OPRD1: variants seen among roughly 807,000 people sequenced by gnomAD.
OPRD1 encodes the protein opioid receptor delta 1.
OPRD1 carries 19 observed loss-of-function variants against 17.5 expected under a neutral mutation model. The ratio of observed to expected loss-of-function variants is 1.09; its 90% CI spans 0.76 to 1.60. The LOEUF is 1.60. Ranked by LOEUF, OPRD1 falls within the 40% of genes most tolerant of loss-of-function variation. OPRD1 has a pLI of 0.00. For synonymous variants in OPRD1, 256 were observed against 240.9 expected (o/e 1.06, Z -0.58); for missense variants, 483 against 547.2 (o/e 0.88, Z 1.17).
rs1343912488 is a variant in OPRD1, at chr1:28,822,640, C to A, written c.227+10030C>A. On this transcript the variant is annotated intron_variant, in intron 1 of 2. Transcript: ENST00000234961. ...GGGATTACTGGCATGTGCCACCATG[C>A]CCGGTTAATTTTTTTTTTTTTGTAT... Among the ~76,000 whole-genome samples, 5 of 131,142 alleles carry A rather than the reference C, an allele frequency of 3.8e-5. No individual in the cohort carries two copies. In the South Asian group the frequency reaches 9.2e-4, roughly 24 times the overall value. 86.0% of individuals were successfully genotyped at this position (131,142 alleles called of 152,430 possible).
At chr1:28,857,742 C>T (rs204082) in intron 1 of OPRD1, among the ~76,000 whole-genome samples, 15,075 of 152,196 alleles carry the variant, frequency 0.099, 840 homozygotes, top group East Asian at 0.14. Context: ...CCTGCCTTGG[C>T]CCCCCAAAGT....
intron 1 of OPRD1, among the ~76,000 whole-genome samples, chr1:28,849,272 G>C (rs114582496): frequency 0.014 from 2,158 of 152,120 alleles, 56 homozygotes; most frequent in African/African-American, 0.049. Flanking sequence ...GAGATGGGGG[G>C]ACTCCCGGGC....
intron 1 of OPRD1, among the ~76,000 whole-genome samples, chr1:28,858,712 A>C (rs2089081933): frequency 6.7e-6 from 1 of 150,300 alleles, no homozygotes. Flanking sequence ...CACCCAGCTA[A>C]TTTTTGTATT....
chr1:28,845,783 C>A (rs2088934516), intron 1 of OPRD1, among the ~76,000 whole-genome samples: 1 of 125,652 alleles, frequency 8.0e-6, no homozygotes, highest in Admixed American at 8.3e-5. Context: ...ATATCCACAA[C>A]CTTTTGTAAC....
At chr1:28,856,085 G>A (rs1424165665) in intron 1 of OPRD1, among the ~76,000 whole-genome samples, 4 of 152,192 alleles carry the variant, frequency 2.6e-5, no homozygotes, top group South Asian at 2.1e-4. Context: ...GGATCAGAGC[G>A]ATTCTAAAGG....
intron 1 of OPRD1, among the ~76,000 whole-genome samples, chr1:28,831,317 C>G (rs925380565): frequency 5.9e-5 from 9 of 152,182 alleles, no homozygotes; most frequent in Non-Finnish European, 1.0e-4. Flanking sequence ...GGAGACCATC[C>G]TGGCCAACAT....
chr1:28,860,430 T>C (rs1238643965), intron 2 of OPRD1, among the ~76,000 whole-genome samples: 1 of 151,836 alleles, frequency 6.6e-6, no homozygotes, highest in Non-Finnish European at 1.5e-5. Context: ...CCCACCTTAA[T>C]GCAAGGAAGT....
rs1443022930 is a variant in OPRD1 at position 28,866,423 on chromosome 1, G to C, written c.*3140G>C. 1 of 152,236 alleles carries C rather than the reference G, an allele frequency of 6.6e-6. No homozygotes were observed. Among genetic ancestry groups the C allele is most frequent in the Non-Finnish European group, 1.5e-5 (1 of 68,058 alleles). The allele number at this position is 152,236 out of a possible 1,614,324, so 9.4% of individuals were successfully genotyped here. A position where few individuals can be genotyped will look rare whatever the true frequency, so the allele number is the denominator to read the frequency against. On this transcript the variant is annotated 3_prime_UTR_variant, in exon 3 of 3. Coordinates refer to ENST00000234961, the MANE Select transcript of OPRD1 (RefSeq NM_000911.4). Reference sequence around the variant, plus strand: ...AAACCCAACAAGTTGGGTGCAGCTGGAGCATGGGGCTTAACTAAGCTCTTC... The same window carrying C: ...AAACCCAACAAGTTGGGTGCAGCTGCAGCATGGGGCTTAACTAAGCTCTTC...
intron 1 of OPRD1, among the ~76,000 whole-genome samples, chr1:28,827,720 A>G (rs2088777819): frequency 6.6e-6 from 1 of 151,452 alleles, no homozygotes. Context: ...ACTCCTGTCA[A>G]TATTGTTTTT....
chr1:28,861,209 A>G (rs2089113522), intron 2 of OPRD1, among the ~76,000 whole-genome samples: 1 of 152,076 alleles, frequency 6.6e-6, no homozygotes, highest in African/African-American at 2.4e-5. Context: ...CTTAGCCTCA[A>G]GTCCATCGTG....
rs1269818371 is a variant in OPRD1, at chr1:28,863,270, G to A, written c.1106G>A (p.Gly369Asp). 1.4e-6 allele frequency: 2 copies of A among 1,458,470 alleles called. No individual in the cohort carries two copies. The highest frequency in any genetic ancestry group is 1.8e-6 in the Non-Finnish European group (2 of 1,116,544). The allele number at this position is 1,458,470 out of a possible 1,614,324, so 90.3% of individuals were successfully genotyped here. A position where few individuals can be genotyped will look rare whatever the true frequency, so the allele number is the denominator to read the frequency against. Residue 369 changes from glycine (G) to aspartate (D), a missense_variant, in exon 3 of 3, where the codon GGC becomes GAC. Physicochemically the swap from Gly to Asp is moderately conservative, Grantham distance 94. Transcript: ENST00000234961. ...ACTPSDGPGG[G>D]AAA Reference sequence around the variant, plus strand: ...ACCCCGTCCGATGGTCCCGGCGGTGGCGCTGCCGCCTGACCAGGCCATCCG... The same window carrying A: ...ACCCCGTCCGATGGTCCCGGCGGTGACGCTGCCGCCTGACCAGGCCATCCG...
At chr1:28,834,676 A>G (rs2088835696) in intron 1 of OPRD1, among the ~76,000 whole-genome samples, 1 of 152,110 alleles carries the variant, frequency 6.6e-6, no homozygotes, top group South Asian at 2.1e-4. Context: ...CACTGTGCCC[A>G]TTCAGGTACT....
At chr1:28,817,439 G>T (rs1326359633) in intron 1 of OPRD1, among the ~76,000 whole-genome samples, 1 of 152,154 alleles carries the variant, frequency 6.6e-6, no homozygotes, top group Non-Finnish European at 1.5e-5. Flanking sequence ...TATTTCTTCA[G>T]TCTCCTGCCG....
chr1:28,823,965 G>A (rs2088739896), intron 1 of OPRD1, among the ~76,000 whole-genome samples: 1 of 143,996 alleles, frequency 6.9e-6, no homozygotes, highest in African/African-American at 2.6e-5. Flanking sequence ...ATCATTTGAG[G>A]TCAGGAGTTT....
At chr1:28,819,009 G>C (rs1008831448) in intron 1 of OPRD1, among the ~76,000 whole-genome samples, 2 of 151,056 alleles carry the variant, frequency 1.3e-5, no homozygotes, top group Admixed American at 6.6e-5. Context: ...GTCTTCAAGA[G>C]AATGAATTTG....
chr1:28,854,454 T>C (rs534475343), intron 1 of OPRD1, among the ~76,000 whole-genome samples: 1 of 152,052 alleles, frequency 6.6e-6, no homozygotes, highest in Admixed American at 6.5e-5. Flanking sequence ...ACTCCTGGGC[T>C]CAAGCAGTCC....
chr1:28,841,028 A>G (rs2088891085), intron 1 of OPRD1, among the ~76,000 whole-genome samples: 1 of 152,228 alleles, frequency 6.6e-6, no homozygotes, highest in South Asian at 2.1e-4. Flanking sequence ...AAACAAAACC[A>G]ATTACAGGCT....
At chr1:28,830,418 G>A (rs566150563) in intron 1 of OPRD1, among the ~76,000 whole-genome samples, 2 of 152,154 alleles carry the variant, frequency 1.3e-5, no homozygotes, top group East Asian at 3.9e-4. Context: ...TAGCTACTTG[G>A]GAGGCTGAGG....
intron 2 of OPRD1, 129 bp from the exon 3 acceptor site, chr1:28,862,613 C>T: frequency 1.2e-6 from 1 of 808,248 alleles, no homozygotes; most frequent in Non-Finnish European, 1.9e-6. Flanking sequence ...CAGAAGAATC[C>T]CCTTGAACAA....
Sources: allele counts gnomAD v4.1 joint callset (sites outside exome capture counted in the v4.1 genomes callset), GRCh38; gene constraint gnomAD v4.1.1; transcripts MANE v1.5; gene names NCBI Gene and HGNC (gene_info 2026-07-23, HGNC 2026-07-21).